Variants in UTRN observed in about 807,000 individuals in gnomAD.
UTRN encodes the protein dystrophin-related protein 1.
UTRN carries 283 observed loss-of-function variants against 463.9 expected under a neutral mutation model. That is an observed-to-expected ratio of 0.61 (90% CI 0.55 to 0.67). The LOEUF (loss-of-function observed/expected upper bound fraction) is 0.67, where lower values mean the gene tolerates loss of function less well. Ranked by LOEUF, UTRN falls within the 30% of genes least tolerant of loss-of-function variation. The pLI is 0.00. For synonymous variants in UTRN, 1,442 were observed against 1,431.5 expected (o/e 1.01, Z -0.17); for missense variants, 3,922 against 4,084.3 (o/e 0.96, Z 1.08).
At chr6:144,838,556 C>T (rs942975388) in intron 71 of UTRN, among the ~76,000 whole-genome samples, 3 of 152,148 alleles carry the variant, frequency 2.0e-5, no homozygotes, top group Non-Finnish European at 4.4e-5. Context: ...AGTGCCTTTA[C>T]GAAGTATTTA....
chr6:144,731,201 T>C (rs1788478127), intron 54 of UTRN, among the ~76,000 whole-genome samples: 1 of 152,052 alleles, frequency 6.6e-6, no homozygotes, highest in South Asian at 2.1e-4. Flanking sequence ...TTGTTTAATT[T>C]AAAAATAACC....
chr6:144,657,204 C>T (rs12528683), intron 51 of UTRN, among the ~76,000 whole-genome samples: 22,183 of 146,550 alleles, frequency 0.15, 1,837 homozygotes, highest in Admixed American at 0.25. Flanking sequence ...GAGCTGAGAT[C>T]GCGCCATTGC....
chr6:144,413,709 A>G (rs1208857308), intron 3 of UTRN, among the ~76,000 whole-genome samples: 1 of 152,232 alleles, frequency 6.6e-6, no homozygotes, highest in Non-Finnish European at 1.5e-5. Flanking sequence ...AGAAATGTCT[A>G]GCACATACAC....
chr6:144,453,097 G>C (rs901333318), intron 18 of UTRN, among the ~76,000 whole-genome samples: 10 of 152,002 alleles, frequency 6.6e-5, no homozygotes, highest in African/African-American at 2.4e-4. Flanking sequence ...ATAATACTGA[G>C]CCTCAAAATA....
intron 4 of UTRN, 39 bp downstream of exon 4, chr6:144,422,009 C>G: frequency 6.5e-7 from 1 of 1,548,082 alleles, no homozygotes; most frequent in African/African-American, 1.4e-5. Context: ...AGTCTCCGGT[C>G]ATTGCTGATA....
At chr6:144,742,537 G>A (rs1389200027) in intron 54 of UTRN, among the ~76,000 whole-genome samples, 1 of 152,168 alleles carries the variant, frequency 6.6e-6, no homozygotes, top group African/African-American at 2.4e-5. Flanking sequence ...AGCAAGTCAA[G>A]TCTTTTCCTT....
At chr6:144,518,547 G>A (rs72999728) in intron 39 of UTRN, among the ~76,000 whole-genome samples, 635 of 152,186 alleles carry the variant, frequency 4.2e-3, no homozygotes, top group Non-Finnish European at 7.1e-3. Flanking sequence ...TGAAAAATGC[G>A]TTATCTTTTA....
At chr6:144,319,682 C>G (rs1399443839) in intron 2 of UTRN, among the ~76,000 whole-genome samples, 2 of 152,180 alleles carry the variant, frequency 1.3e-5, no homozygotes, top group Non-Finnish European at 2.9e-5. Flanking sequence ...ATCCTCCCAT[C>G]TCAACCTTCA....
intron 33 of UTRN, among the ~76,000 whole-genome samples, chr6:144,496,798 T>G (rs1048011532): frequency 2.0e-5 from 3 of 152,132 alleles, no homozygotes; most frequent in Admixed American, 2.0e-4. Flanking sequence ...CACCCAGTCT[T>G]GTGTTAGGAA....
rs116390404 is a variant in UTRN, at chr6:144,656,952, C to T, written c.7480-21454C>T. Among the ~76,000 whole-genome samples, 367 of 152,186 alleles carry T rather than the reference C, an allele frequency of 2.4e-3. 4 individuals carry two copies. Among genetic ancestry groups the T allele is most frequent in the African/African-American group, 8.2e-3 (341 of 41,538 alleles). On this transcript the variant is annotated intron_variant, in intron 51 of 74. Coordinates refer to ENST00000367545, the MANE Select transcript of UTRN (RefSeq NM_007124.3). ...TCCACTGAGTTTTGTACTCTTTCTT[C>T]GAAAGAAGCTGCCATCAGCTGGGTG...
At chr6:144,297,786 GT>G (rs1035344417) in intron 2 of UTRN, among the ~76,000 whole-genome samples, 2 of 152,174 alleles carry the variant, frequency 1.3e-5, no homozygotes, top group Non-Finnish European at 2.9e-5. Flanking sequence ...TCATGAGAAA[GT>G]TTTTTTGTAT....
intron 51 of UTRN, among the ~76,000 whole-genome samples, chr6:144,590,159 G>C (rs1209823068): frequency 1.3e-5 from 2 of 152,004 alleles, no homozygotes; most frequent in Non-Finnish European, 2.9e-5. Flanking sequence ...CTATGTACTT[G>C]TTTTCCTAGA....
intron 53 of UTRN, among the ~76,000 whole-genome samples, chr6:144,725,476 A>C (rs1787770712): frequency 6.6e-6 from 1 of 152,242 alleles, no homozygotes; most frequent in Non-Finnish European, 1.5e-5. Flanking sequence ...TCTGGAACAG[A>C]ACTGTTTTGA....
chr6:144,593,624 T>G (rs1163306263), intron 51 of UTRN, among the ~76,000 whole-genome samples: 1 of 152,188 alleles, frequency 6.6e-6, no homozygotes, highest in Admixed American at 6.5e-5. Flanking sequence ...TTCCAAGAAC[T>G]CAGCCATGAC....
chr6:144,330,000 C>A (rs1776228165), intron 2 of UTRN, among the ~76,000 whole-genome samples: 1 of 152,212 alleles, frequency 6.6e-6, no homozygotes, highest in African/African-American at 2.4e-5. Flanking sequence ...AATTGCAGAG[C>A]ATACAAATAG....
At chr6:144,384,228 C>T (rs150040180) in intron 2 of UTRN, among the ~76,000 whole-genome samples, 104 of 152,254 alleles carry the variant, frequency 6.8e-4, no homozygotes, top group Non-Finnish European at 1.2e-3. Flanking sequence ...GGCCACAGGT[C>T]GCTACTAGTC....
At chr6:144,328,631 A>AGG (rs1584298076) in intron 2 of UTRN, among the ~76,000 whole-genome samples, 1 of 152,150 alleles carries the variant, frequency 6.6e-6, no homozygotes, top group Non-Finnish European at 1.5e-5. Context: ...CAATGAGTAA[A>AGG]AATACATTCA....
rs115030897 is a variant in UTRN at position 144,457,414 on chromosome 6, A to G, written c.2285-1356A>G. ...TACTTAATTTTCTTCCTTGATTAGT[A>G]TGAATTGTCCAACATAAAGATGATG... On this transcript the variant is annotated intron_variant, in intron 19 of 74. Coordinates refer to ENST00000367545, the MANE Select transcript of UTRN (RefSeq NM_007124.3). Among the ~76,000 whole-genome samples the G allele has an allele frequency of 4.4e-3, 672 of 152,320 alleles. 5 individuals are homozygous for G. Among genetic ancestry groups the G allele is most frequent in the African/African-American group, 0.015 (610 of 41,576 alleles).
intron 54 of UTRN, among the ~76,000 whole-genome samples, chr6:144,745,866 A>T (rs1485945817): frequency 6.6e-6 from 1 of 152,120 alleles, no homozygotes; most frequent in East Asian, 1.9e-4. Flanking sequence ...TGACTTATTA[A>T]CAAACACAGG....
Sources: allele counts gnomAD v4.1 joint callset (sites outside exome capture counted in the v4.1 genomes callset), GRCh38; gene constraint gnomAD v4.1.1; transcripts MANE v1.5; gene names NCBI Gene and HGNC (gene_info 2026-07-23, HGNC 2026-07-21).